CEP97: variants seen among roughly 807,000 people sequenced by gnomAD.
CEP97 encodes centrosomal protein of 97 kDa.
In CEP97, 43 loss-of-function variants were observed where a neutral mutation model predicts 73.1. That is an observed-to-expected ratio of 0.59 (90% CI 0.46 to 0.76). The LOEUF (loss-of-function observed/expected upper bound fraction) is 0.76, where lower values mean the gene tolerates loss of function less well. Among genes scored for constraint, CEP97 ranks in the 30% least tolerant of loss-of-function variants. The pLI is 0.00. For synonymous variants in CEP97, 337 were observed against 370.0 expected (o/e 0.91, Z 1.02); for missense variants, 939 against 1,014.0 (o/e 0.93, Z 1.00).
chr3:101,732,744 A>G, intron 6 of CEP97, 90 bp downstream of exon 6: 3 of 1,158,608 alleles, frequency 2.6e-6, no homozygotes, highest in Non-Finnish European at 3.7e-6. Context: ...TAAAATGTGC[A>G]TTTAGATAAC....
At chr3:101,751,459 G>A (rs1938817418) in intron 6 of CEP97, among the ~76,000 whole-genome samples, 1 of 152,116 alleles carries the variant, frequency 6.6e-6, no homozygotes, top group Non-Finnish European at 1.5e-5. Context: ...TTCAATTCCT[G>A]GGTATGCTTG....
intron 6 of CEP97, among the ~76,000 whole-genome samples, chr3:101,737,862 G>A (rs1166856566): frequency 6.6e-6 from 1 of 151,902 alleles, no homozygotes; most frequent in Non-Finnish European, 1.5e-5. Context: ...AATGTAAATG[G>A]GCTATTAGCC....
Position 101,764,919 on chromosome 3 carries a change from A to G in CEP97, c.1966A>G (p.Ile656Val), listed in dbSNP as rs1939269273. ...TTCCTGGCATACTGATGTTCCTCCTATATCAAGTACTCTTGTGCCATCGAA... is the reference window on the plus strand; with the variant it reads ...TTCCTGGCATACTGATGTTCCTCCTGTATCAAGTACTCTTGTGCCATCGAA... ...LSSWHTDVPP[I>V]SSTLVPSKHP... is the part of the protein sequence containing the mutation. The change falls in exon 11 of 11, where the codon ATA becomes GTA. Residue 656 changes from isoleucine (I) to valine (V), a missense_variant. Transcript: ENST00000341893. 5.6e-6 allele frequency: 9 copies of G among 1,614,194 alleles called. No homozygotes were observed. The highest frequency in any genetic ancestry group is 2.2e-5 in the East Asian group (1 of 44,884).
At position 101,758,025 on chromosome 3, in the gene CEP97, A is replaced by G. The variant is rs1939063886; in HGVS notation, c.1419A>G (p.Thr473=). The G allele has an allele frequency of 1.2e-6, 2 of 1,614,250 alleles. No individual in the cohort carries two copies. The highest frequency in any genetic ancestry group is 1.7e-6 in the Non-Finnish European group (2 of 1,180,046). ...SVQMMRSEIN[T]EVNEKAGLLP... is the part of the protein sequence containing the mutation. Reference sequence around the variant, plus strand: ...AAATGATGAGAAGTGAAATCAATACAGAGGTAAATGAGAAAGCTGGACTAT... The same window carrying G: ...AAATGATGAGAAGTGAAATCAATACGGAGGTAAATGAGAAAGCTGGACTAT... Residue 473 remains threonine (T), a synonymous_variant, in exon 9 of 11, where the codon ACA becomes ACG. Transcript: ENST00000341893.
In CEP97 at chr3:101,765,181, G is replaced by A; in HGVS notation, c.2228G>A (p.Gly743Asp). The A allele has an allele frequency of 6.2e-7, 1 of 1,614,198 alleles. No homozygotes were observed. The highest frequency in any genetic ancestry group is 1.1e-5 in the South Asian group (1 of 91,082). The change falls in exon 11 of 11, where the codon GGC becomes GAC. Residue 743 changes from glycine (G) to aspartate (D), a missense_variant. Transcript: ENST00000341893. The stretch of plus-strand genomic sequence containing the variant: ...AATTCCATTGACACAGTCAGATATG[G>A]CAAAGAATCAGATTTAGGGGATGTT... ...MGNSIDTVRYGKESDLGDVSE... is the reference protein window; with the variant it reads ...MGNSIDTVRYDKESDLGDVSE...
rs768530287 is a variant in CEP97 at position 101,769,917 on chromosome 3, T to C, written c.*4366T>C. On this transcript the variant is annotated 3_prime_UTR_variant, in exon 11 of 11. Transcript: ENST00000341893. Reference sequence around the variant, plus strand: ...GAAATAGATAATTGTCTTCTTAAGATGAGGTGCTTTTTATCTGTGGATGAA... The same window carrying C: ...GAAATAGATAATTGTCTTCTTAAGACGAGGTGCTTTTTATCTGTGGATGAA... 6.6e-6 allele frequency: 1 copy of C among 152,226 alleles called. No homozygotes were observed. The highest frequency in any genetic ancestry group is 1.5e-5 in the Non-Finnish European group (1 of 68,034). The allele number at this position is 152,226 out of a possible 1,614,324, so 9.4% of individuals were successfully genotyped here.
At chr3:101,731,771 G>A (rs141988880) in intron 4 of CEP97, 69 bp from the exon 5 acceptor site, 3 of 787,028 alleles carry the variant, frequency 3.8e-6, no homozygotes, top group African/African-American at 1.7e-5. Flanking sequence ...TACCATTTTG[G>A]TGTTGTCACA....
chr3:101,745,708 A>C (rs1403205904), intron 6 of CEP97, among the ~76,000 whole-genome samples: 3 of 151,702 alleles, frequency 2.0e-5, no homozygotes, highest in East Asian at 3.9e-4. Context: ...TTTTGTTGGA[A>C]TATTTTATTT....
chr3:101,747,698 A>ATT (rs11445807), intron 6 of CEP97, among the ~76,000 whole-genome samples: 3,301 of 143,092 alleles, frequency 0.023, 62 homozygotes, highest in Non-Finnish European at 0.036. Context: ...CTGGTATTAC[A>ATT]TTTTTTTTTT....
rs377510275 is a variant in CEP97, at chr3:101,734,759, A to G, written c.728+2105A>G. On this transcript the variant is annotated intron_variant, in intron 6 of 10. Coordinates refer to ENST00000341893, the MANE Select transcript of CEP97 (RefSeq NM_024548.4). ...ATTTGGAATATGGGTTTACTTGGAT[A>G]ATCCTCTGTACAGTTGTTGACTTCT... is the stretch of plus-strand genomic sequence containing the variant. Among the ~76,000 whole-genome samples, 37 of 152,282 alleles carry G rather than the reference A, an allele frequency of 2.4e-4. No homozygotes were observed. The East Asian group carries it at 2.9e-3, about 12-fold the overall frequency.
rs1576701738 is a variant in CEP97, at chr3:101,761,835, T to TCAA, written c.1818-650_1818-649insCAA. Among the ~76,000 whole-genome samples, 4 of 152,112 alleles carry TCAA rather than the reference T, an allele frequency of 2.6e-5. No individual in the cohort carries two copies. The East Asian group carries it at 7.7e-4, about 29-fold the overall frequency. The stretch of plus-strand genomic sequence containing the variant: ...AAAATGGTCTTGACAGTTTGGGTGA[T>TCAA]AATGGATCACTAAAGGAGGAGCCTT... On this transcript the variant is annotated intron_variant, in intron 9 of 10. Transcript: ENST00000341893.
chr3:101,740,042 G>A (rs918269145), intron 6 of CEP97, among the ~76,000 whole-genome samples: 5 of 152,140 alleles, frequency 3.3e-5, no homozygotes, highest in Non-Finnish European at 7.4e-5. Context: ...AAAGCTGGAA[G>A]CATTCCCTTT....
chr3:101,726,483 C>A (rs1262254484), intron 1 of CEP97, 111 bp from the exon 2 acceptor site: 26 of 667,770 alleles, frequency 3.9e-5, no homozygotes, highest in Non-Finnish European at 1.4e-5. Context: ...TTATGCTCTA[C>A]TGTTCTTTAA....
chr3:101,744,961 T>C (rs920597959), intron 6 of CEP97, among the ~76,000 whole-genome samples: 16 of 152,376 alleles, frequency 1.1e-4, no homozygotes, highest in African/African-American at 3.8e-4. Flanking sequence ...TAGCTAGATC[T>C]TGATTTGAGT....
chr3:101,764,008 C>T (rs1939241130), intron 10 of CEP97, among the ~76,000 whole-genome samples: 1 of 152,204 alleles, frequency 6.6e-6, no homozygotes, highest in African/African-American at 2.4e-5. Flanking sequence ...CCCATTCCCA[C>T]TCCTGGTGAG....
chr3:101,746,140 TA>T (rs1271757210), intron 6 of CEP97, among the ~76,000 whole-genome samples: 1 of 152,268 alleles, frequency 6.6e-6, no homozygotes, highest in Non-Finnish European at 1.5e-5. Context: ...CACATTTTCT[TA>T]ATCCAGTCTA....
chr3:101,743,742 G>C (rs935332020), intron 6 of CEP97, among the ~76,000 whole-genome samples: 1 of 152,108 alleles, frequency 6.6e-6, no homozygotes, highest in African/African-American at 2.4e-5. Flanking sequence ...AGTGGCTCAC[G>C]CCTGTAATCC....
intron 6 of CEP97, among the ~76,000 whole-genome samples, chr3:101,734,655 G>A (rs1233033781): frequency 1.3e-5 from 2 of 152,286 alleles, no homozygotes; most frequent in East Asian, 3.9e-4. Context: ...CTACAGGAAA[G>A]GGTGGCTTTT....
chr3:101,747,352 C>T (rs184221418), intron 6 of CEP97, among the ~76,000 whole-genome samples: 2 of 146,326 alleles, frequency 1.4e-5, no homozygotes, highest in East Asian at 2.0e-4. Context: ...CTCTGCCTCC[C>T]GTATTCTGGC....
Sources: allele counts gnomAD v4.1 joint callset (sites outside exome capture counted in the v4.1 genomes callset), GRCh38; gene constraint gnomAD v4.1.1; transcripts MANE v1.5; gene names NCBI Gene and HGNC (gene_info 2026-07-23, HGNC 2026-07-21).